The following KCNMB2 variants were observed in gnomAD, a reference collection of about 807,000 sequenced individuals.
KCNMB2 encodes the protein potassium calcium-activated channel subfamily M regulatory beta subunit 2.
In KCNMB2, 9 loss-of-function variants were observed where a neutral mutation model predicts 24.5. That is an observed-to-expected ratio of 0.37 (90% CI 0.22 to 0.64). The LOEUF is 0.64. KCNMB2 is among the 30% of genes least tolerant of loss of function. KCNMB2 has a pLI of 0.63. For synonymous variants in KCNMB2, 109 were observed against 104.4 expected, an observed-to-expected ratio of 1.04 and a Z score of -0.27; for missense variants, 226 against 284.3, an observed-to-expected ratio of 0.79 and a Z score of 1.47.
At chr3:178,591,332 G>A (rs934831952) in intron 1 of KCNMB2, among the ~76,000 whole-genome samples, 3 of 152,174 alleles carry the variant, frequency 2.0e-5, no homozygotes, top group Non-Finnish European at 2.9e-5. Flanking sequence ...TCTTTGCACA[G>A]ATCACTAGGT....
chr3:178,663,229 C>T (rs1720596962), intron 1 of KCNMB2, among the ~76,000 whole-genome samples: 1 of 152,068 alleles, frequency 6.6e-6, no homozygotes, highest in Admixed American at 6.6e-5. Flanking sequence ...CTGCTTGAGT[C>T]ACATTACCAA....
chr3:178,713,532 C>T lies in KCNMB2; in HGVS notation c.-67-93811C>T, dbSNP rs552475471. ...GTCCAACAAATCTAGAAACCAAACA[C>T]AGATATGAACTACTCTGTCCAAAGT... On this transcript the variant is annotated intron_variant, in intron 1 of 4. Coordinates refer to ENST00000452583, the MANE Select transcript of KCNMB2 (RefSeq NM_181361.3). 3.3e-5 allele frequency among the ~76,000 whole-genome samples: 5 copies of T among 152,312 alleles called. No homozygotes were observed. The South Asian group carries it at 1.0e-3, about 32-fold the overall frequency.
At chr3:178,828,093 G>A in intron 3 of KCNMB2, 85 bp from the exon 4 acceptor site, 1 of 1,030,566 alleles carries the variant, frequency 9.7e-7, no homozygotes, top group South Asian at 1.6e-5. Context: ...TTCAGCTTCA[G>A]GAGATGAGAA....
At chr3:178,737,895 G>A (rs893453604) in intron 1 of KCNMB2, among the ~76,000 whole-genome samples, 3 of 152,094 alleles carry the variant, frequency 2.0e-5, no homozygotes, top group Admixed American at 6.5e-5. Context: ...TTTGAAGAGG[G>A]CTGTGAGATA....
At chr3:178,837,936 T>C (rs781773177) in intron 4 of KCNMB2, among the ~76,000 whole-genome samples, 9 of 152,184 alleles carry the variant, frequency 5.9e-5, no homozygotes, top group Non-Finnish European at 1.3e-4. Flanking sequence ...AAACTTCACT[T>C]TCAATGGAAT....
chr3:178,656,000 A>G (rs1470686556), intron 1 of KCNMB2, among the ~76,000 whole-genome samples: 1 of 152,224 alleles, frequency 6.6e-6, no homozygotes, highest in African/African-American at 2.4e-5. Flanking sequence ...AGGCCCACAA[A>G]AGGCCTTTTC....
At chr3:178,568,442 C>A (rs138401955) in intron 1 of KCNMB2, among the ~76,000 whole-genome samples, 4 of 152,130 alleles carry the variant, frequency 2.6e-5, no homozygotes, top group Non-Finnish European at 4.4e-5. Flanking sequence ...AAATCTGGAT[C>A]CCTCCAGATT....
intron 4 of KCNMB2, chr3:178,841,540 C>T (rs1236670863): frequency 2.0e-5 from 3 of 152,204 alleles, no homozygotes; most frequent in African/African-American, 7.2e-5. Flanking sequence ...GTTTAATTAA[C>T]TCACAGTTCC....
At chr3:178,557,726 T>C (rs971591393) in intron 1 of KCNMB2, among the ~76,000 whole-genome samples, 4 of 152,326 alleles carry the variant, frequency 2.6e-5, no homozygotes, top group African/African-American at 9.6e-5. Context: ...AGTAAAGGTA[T>C]CAAGAATAAG....
rs182987136 is a variant in KCNMB2, at chr3:178,746,385, C to G, written c.-67-60958C>G. Reference sequence around the variant, plus strand: ...GGGCACCAAGTTCCTAGGCTGCACACAGCTGGGGCCCAGTCCACTAAACCA... The same window carrying G: ...GGGCACCAAGTTCCTAGGCTGCACAGAGCTGGGGCCCAGTCCACTAAACCA... On this transcript the variant is annotated intron_variant, in intron 1 of 4. Coordinates refer to ENST00000452583, the MANE Select transcript of KCNMB2 (RefSeq NM_181361.3). 4.7e-4 allele frequency among the ~76,000 whole-genome samples: 71 copies of G among 152,206 alleles called. No homozygotes were observed. The East Asian group carries it at 0.012, about 25-fold the overall frequency.
chr3:178,823,866 GA>G (rs1321301248), intron 2 of KCNMB2, among the ~76,000 whole-genome samples: 3 of 152,024 alleles, frequency 2.0e-5, no homozygotes, highest in African/African-American at 7.3e-5. Context: ...AAATTTGAAT[GA>G]AAAATCTGAA....
At chr3:178,564,578 T>C (rs1169278475) in intron 1 of KCNMB2, among the ~76,000 whole-genome samples, 2 of 152,210 alleles carry the variant, frequency 1.3e-5, no homozygotes, top group East Asian at 3.8e-4. Flanking sequence ...GCAGGCACAG[T>C]GCTAGGTGAT....
intron 1 of KCNMB2, among the ~76,000 whole-genome samples, chr3:178,578,624 C>A (rs572037618): frequency 2.0e-5 from 3 of 152,284 alleles, no homozygotes; most frequent in East Asian, 3.9e-4. Context: ...CTGCTGTATT[C>A]AGGAGACCAA....
chr3:178,761,644 T>C (rs1711888000), intron 1 of KCNMB2, among the ~76,000 whole-genome samples: 1 of 152,064 alleles, frequency 6.6e-6, no homozygotes, highest in Admixed American at 6.6e-5. Context: ...GAGTAGAAAG[T>C]GTTATACCAC....
intron 1 of KCNMB2, among the ~76,000 whole-genome samples, chr3:178,792,017 A>G (rs920164440): frequency 6.6e-6 from 1 of 152,204 alleles, no homozygotes; most frequent in African/African-American, 2.4e-5. Context: ...CTGAAAGAAA[A>G]GGATGTTAAG....
intron 1 of KCNMB2, among the ~76,000 whole-genome samples, chr3:178,769,440 T>C (rs546314400): frequency 6.4e-4 from 97 of 152,198 alleles, no homozygotes; most frequent in African/African-American, 2.3e-3. Flanking sequence ...CACTCAAAGA[T>C]GGTGCAGTTT....
intron 1 of KCNMB2, among the ~76,000 whole-genome samples, chr3:178,651,966 C>A (rs1720137158): frequency 6.6e-6 from 1 of 152,104 alleles, no homozygotes; most frequent in South Asian, 2.1e-4. Flanking sequence ...ACCATAAAAA[C>A]CCTAGAAGAA....
rs899674378 is a variant in KCNMB2, at chr3:178,764,094, T to C, written c.-67-43249T>C. On this transcript the variant is annotated intron_variant, in intron 1 of 4. Coordinates refer to ENST00000452583, the MANE Select transcript of KCNMB2 (RefSeq NM_181361.3). ...TAAACCCCCATTATTTGATTCGTAG[T>C]CTACTGCTCTTTCCACCACACCATT... Among the ~76,000 whole-genome samples, 8 of 152,230 alleles carry C rather than the reference T, an allele frequency of 5.3e-5. No homozygotes were observed. The East Asian group carries it at 1.5e-3, about 29-fold the overall frequency.
intron 1 of KCNMB2, among the ~76,000 whole-genome samples, chr3:178,714,386 A>C (rs2108352379): frequency 6.6e-6 from 1 of 152,198 alleles, no homozygotes; most frequent in East Asian, 1.9e-4. Context: ...GGAGGGACAC[A>C]GTGTTGGCTG....
Sources: gnomAD v4.1 joint callset for allele counts (sites outside exome capture counted in the v4.1 genomes callset) on GRCh38, gnomAD v4.1.1 for gene constraint, MANE v1.5 for transcripts, NCBI Gene and HGNC (gene_info 2026-07-23, HGNC 2026-07-21) for gene names.